The following PLA1A variants were observed in gnomAD, a reference collection of about 807,000 sequenced individuals.
The protein encoded by PLA1A is phosphatidylserine-specific phospholipase A1alpha.
Under a neutral mutation model 49.4 loss-of-function variants are expected in PLA1A, and 47 were observed. The ratio of observed to expected loss-of-function variants is 0.95; its 90% CI spans 0.75 to 1.21. The LOEUF is 1.21. Ranked by LOEUF, PLA1A falls within the 50% of genes most tolerant of loss-of-function variation. The pLI is 0.00. For synonymous variants in PLA1A, 224 were observed against 207.9 expected, an observed-to-expected ratio of 1.08 and a Z score of -0.67; for missense variants, 561 against 563.9, an observed-to-expected ratio of 0.99 and a Z score of 0.05.
At chr3:119,604,557 A>T (rs2082661402) in intron 1 of PLA1A, among the ~76,000 whole-genome samples, 1 of 152,220 alleles carries the variant, frequency 6.6e-6, no homozygotes, top group South Asian at 2.1e-4. Context: ...GAGCTAAAAA[A>T]GTGGATTCAT....
At position 119,616,002 on chromosome 3, in the gene PLA1A, C is replaced by A; in HGVS notation, c.665-10C>A. 2 of 1,592,474 alleles carry A rather than the reference C, an allele frequency of 1.3e-6. No homozygotes were observed. The highest frequency in any genetic ancestry group is 2.2e-5 in the South Asian group (2 of 90,514). On this transcript the variant is annotated splice_polypyrimidine_tract_variant and intron_variant, in intron 5 of 10. Coordinates refer to ENST00000273371, the MANE Select transcript of PLA1A (RefSeq NM_015900.4). ...AGTAAGGAAGTTAATGGAGTTGTGC[C>A]TCCTTTCAGATTTGGGTATTCGGAT...
chr3:119,617,287 T>A (rs2082861315), intron 6 of PLA1A, among the ~76,000 whole-genome samples: 1 of 152,190 alleles, frequency 6.6e-6, no homozygotes, highest in African/African-American at 2.4e-5. Flanking sequence ...GATGCAGCAG[T>A]CTCACTGCTG....
intron 7 of PLA1A, 52 bp from the exon 8 acceptor site, chr3:119,619,511 A>T: frequency 2.5e-6 from 3 of 1,221,346 alleles, no homozygotes; most frequent in Non-Finnish European, 3.7e-6. Flanking sequence ...GTGCTGTGGG[A>T]CCCTAAGATA....
intron 5 of PLA1A, among the ~76,000 whole-genome samples, chr3:119,615,289 C>T (rs577773222): frequency 1.2e-4 from 19 of 152,212 alleles, no homozygotes; most frequent in East Asian, 9.7e-4. Context: ...CTCTTATCTC[C>T]GCTCTGGAGC....
intron 1 of PLA1A, chr3:119,598,577 T>C (rs1008176077): frequency 6.2e-4 from 95 of 152,280 alleles, no homozygotes; most frequent in African/African-American, 2.3e-3. Context: ...AAAATTAACC[T>C]GCTCTACTTT....
chr3:119,600,706 T>G (rs982397743), intron 1 of PLA1A, among the ~76,000 whole-genome samples: 2 of 152,240 alleles, frequency 1.3e-5, no homozygotes, highest in Non-Finnish European at 2.9e-5. Context: ...ACACTCATCC[T>G]GAAACAATTC....
At position 119,608,857 on chromosome 3, in the gene PLA1A, G is replaced by T; in HGVS notation, c.363G>T (p.Trp121Cys). The T allele has an allele frequency of 1.9e-6, 3 of 1,613,622 alleles. No individual in the cohort carries two copies. The South Asian group carries it at 3.3e-5, about 18-fold the overall frequency. Reference protein sequence around the residue: ...ATNANVIAVDWIYGSTGVYFS... With the variant: ...ATNANVIAVDCIYGSTGVYFS... Reference sequence around the variant, plus strand: ...ATGCTAATGTGATTGCCGTGGACTGGATTTATGGGTCTACAGGAGTCTACT... The same window carrying T: ...ATGCTAATGTGATTGCCGTGGACTGTATTTATGGGTCTACAGGAGTCTACT... The change falls in exon 3 of 11, where the codon TGG becomes TGT. Residue 121 changes from tryptophan to cysteine, a missense_variant. Transcript: ENST00000273371.
At chr3:119,605,077 A>C (rs959242478) in intron 1 of PLA1A, among the ~76,000 whole-genome samples, 2 of 152,222 alleles carry the variant, frequency 1.3e-5, no homozygotes, top group African/African-American at 2.4e-5. Context: ...TGTGGTTTGC[A>C]TCTCATGCTG....
At position 119,626,196 on chromosome 3, in the gene PLA1A, C is replaced by A. The variant is rs2052533902; in HGVS notation, c.1121+964C>A. ...CACAGGGAAGGCTGCTTGGCAGGAG[C>A]TGAACCCATGGGAAGTGCGGCCCCT... On this transcript the variant is annotated intron_variant, in intron 9 of 10. Transcript: ENST00000273371. 1.3e-5 allele frequency among the ~76,000 whole-genome samples: 2 copies of A among 152,204 alleles called. 1 individual carries two copies. Among genetic ancestry groups the A allele is most frequent in the South Asian group, 4.1e-4 (2 of 4,832 alleles).
chr3:119,604,179 A>T (rs1025481274), intron 1 of PLA1A, among the ~76,000 whole-genome samples: 5 of 152,198 alleles, frequency 3.3e-5, no homozygotes, highest in African/African-American at 1.2e-4. Flanking sequence ...GCCACTATGG[A>T]GAATACGATG....
chr3:119,629,241 G>T, intron 10 of PLA1A, 143 bp from the exon 11 acceptor site: 1 of 668,600 alleles, frequency 1.5e-6, no homozygotes, highest in Non-Finnish European at 2.7e-6. Context: ...ACCACCCCTG[G>T]GCACTTGGAC....
At chr3:119,628,518 T>C (rs2280579) in intron 9 of PLA1A, among the ~76,000 whole-genome samples, 183 bp from the exon 10 acceptor site, 26,620 of 152,218 alleles carry the variant, frequency 0.17, 2,672 homozygotes, top group East Asian at 0.35. Context: ...CTTGGTCATA[T>C]TCAAAGCTGT....
At position 119,624,628 on chromosome 3, in the gene PLA1A, G is replaced by T. The variant is rs2082990365; in HGVS notation, c.1013-496G>T. Among the ~76,000 whole-genome samples, 3 of 151,640 alleles carry T rather than the reference G, an allele frequency of 2.0e-5. No individual in the cohort carries two copies. In the South Asian group the frequency reaches 6.2e-4, roughly 31 times the overall value. ...TTAACCCACTTATTTCAGACCTAGG[G>T]TATCTATTTTTTTTTTTTTTTAGAC... is the stretch of plus-strand genomic sequence containing the variant. On this transcript the variant is annotated intron_variant, in intron 8 of 10. Coordinates refer to ENST00000273371, the MANE Select transcript of PLA1A (RefSeq NM_015900.4).
At chr3:119,599,735 G>A (rs1193030735) in intron 1 of PLA1A, among the ~76,000 whole-genome samples, 3 of 152,062 alleles carry the variant, frequency 2.0e-5, no homozygotes, top group African/African-American at 7.2e-5. Context: ...GCAGGGCCTG[G>A]GTATTTCCTT....
At chr3:119,598,065 CT>C in intron 1 of PLA1A, 79 bp downstream of exon 1, 2 of 879,102 alleles carry the variant, frequency 2.3e-6, no homozygotes, top group Non-Finnish European at 1.8e-6. Flanking sequence ...GCAGTACTAA[CT>C]TTTGGAAGAT....
chr3:119,623,053 T>C lies in PLA1A; in HGVS notation c.1013-2071T>C, dbSNP rs564139766. 3.9e-5 allele frequency among the ~76,000 whole-genome samples: 6 copies of C among 152,334 alleles called. No homozygotes were observed. The South Asian group carries it at 1.2e-3, about 32-fold the overall frequency. On this transcript the variant is annotated intron_variant, in intron 8 of 10. Transcript: ENST00000273371. ...CATGTTGGCCAGGCTGGTCTCGAAC[T>C]CCTGACCTCAGATGATCTGCCTGCC...
Position 119,606,761 on chromosome 3 carries a change from T to G in PLA1A, c.74-13T>G. The stretch of plus-strand genomic sequence containing the variant: ...ACCTTGGATGTTGCTTGTTTTGTTT[T>G]GTTTTCCTCCAGGGGATGCACCTCC... On this transcript the variant is annotated splice_polypyrimidine_tract_variant and intron_variant, in intron 1 of 10. Coordinates refer to ENST00000273371, the MANE Select transcript of PLA1A (RefSeq NM_015900.4). 1 of 1,610,958 alleles carries G rather than the reference T, an allele frequency of 6.2e-7. No homozygotes were observed. The highest frequency in any genetic ancestry group is 8.5e-7 in the Non-Finnish European group (1 of 1,177,754).
intron 7 of PLA1A, among the ~76,000 whole-genome samples, chr3:119,619,100 T>G (rs1168944333): frequency 6.6e-6 from 1 of 152,230 alleles, no homozygotes; most frequent in Non-Finnish European, 1.5e-5. Flanking sequence ...CTACTTGTAC[T>G]TCCAAGTGTA....
Position 119,606,935 on chromosome 3 carries a change from A to T in PLA1A, c.235A>T (p.Asn79Tyr), listed in dbSNP as rs1303337939. Residue 79 changes from asparagine to tyrosine, a missense_variant, in exon 2 of 11, where the codon AAT becomes TAT. Coordinates refer to ENST00000273371, the MANE Select transcript of PLA1A (RefSeq NM_015900.4). ...GSSDLQNSGF[N>Y]ATLGTKLIIH... ...CAGTGACCTCCAAAACTCTGGGTTC[A>T]ATGCCACTCTGGGAACCAAACTAAT... 6.2e-7 allele frequency: 1 copy of T among 1,614,202 alleles called. No individual in the cohort carries two copies. Among genetic ancestry groups the T allele is most frequent in the Admixed American group, 1.7e-5 (1 of 60,030 alleles).
Sources: gnomAD v4.1 joint callset for allele counts (sites outside exome capture counted in the v4.1 genomes callset) on GRCh38, gnomAD v4.1.1 for gene constraint, MANE v1.5 for transcripts, NCBI Gene and HGNC (gene_info 2026-07-23, HGNC 2026-07-21) for gene names.